The following LTBP4 variants were observed in gnomAD, a reference collection of about 807,000 sequenced individuals.
LTBP4 encodes the protein latent-transforming growth factor beta-binding protein 4.
In LTBP4, 93 loss-of-function variants were observed where a neutral mutation model predicts 180.2. The observed-to-expected ratio is 0.52, with a 90% CI of 0.44 to 0.61. LTBP4 has a LOEUF of 0.61. Among genes scored for constraint, LTBP4 ranks in the 20% least tolerant of loss-of-function variants. The probability of loss-of-function intolerance (pLI) is 0.00; values close to 1 mark genes in which losing one functional copy is unlikely to be tolerated. For missense variants in LTBP4, 2,116 were observed against 2,256.5 expected, an observed-to-expected ratio of 0.94 and a Z score of 1.26; for synonymous variants, 947 against 934.5, an observed-to-expected ratio of 1.01 and a Z score of -0.24.
chr19:40,613,253 A>T lies in LTBP4; in HGVS notation c.2431+57A>T. On this transcript the variant is annotated intron_variant, in intron 16 of 29. Transcript: ENST00000396819. The surrounding 1 kb of genome is among the most constrained non-coding windows in gnomAD (Gnocchi z 5.0). ...GGGAGTAGGGCCTGGGTTCCAGGGCAAAGCCGGCTGGAAAGGTGGAGGCGG... is the reference window on the plus strand; with the variant it reads ...GGGAGTAGGGCCTGGGTTCCAGGGCTAAGCCGGCTGGAAAGGTGGAGGCGG... 1 of 1,544,420 alleles carries T rather than the reference A, an allele frequency of 6.5e-7. No individual in the cohort carries two copies. Among genetic ancestry groups the T allele is most frequent in the South Asian group, 1.2e-5 (1 of 83,730 alleles).
rs761470112 is a variant in LTBP4, at chr19:40,611,190, C to A, written c.1849C>A (p.Arg617=). The change falls in exon 13 of 30, where the codon CGA becomes AGA. Residue 617 remains arginine (R), a synonymous_variant. Transcript: ENST00000396819. This position sits in a 1 kb window ranked among gnomAD's most constrained non-coding sequence, Gnocchi z 4.4. The part of the protein sequence containing the change: ...ECTQSPGLCG[R]GACKNLPGSF... ...CACCCAGAGCCCAGGCCTGTGTGGC[C>A]GAGGGGCCTGCAAGAACCTGCCTGG... is the stretch of plus-strand genomic sequence containing the variant. 9 of 1,613,440 alleles carry A rather than the reference C, an allele frequency of 5.6e-6. No homozygotes were observed. Among genetic ancestry groups the A allele is most frequent in the Middle Eastern group, 1.7e-4 (1 of 6,046 alleles).
Position 40,601,606 on chromosome 19 carries a change from G to T in LTBP4, c.219G>T (p.Gly73=). Residue 73 remains glycine (G), a synonymous_variant, in exon 1 of 30, where the codon GGG becomes GGT. Coordinates refer to ENST00000396819, the MANE Select transcript of LTBP4 (RefSeq NM_001042545.2). The part of the protein sequence containing the change: ...ATSVDSGAPG[G]AAPGGPGFRA... ...GCGTGGACAGCGGCGCTCCCGGCGGGGCGGCCCCGGGGGGACCCGGCTTCC... is the reference window on the plus strand; with the variant it reads ...GCGTGGACAGCGGCGCTCCCGGCGGTGCGGCCCCGGGGGGACCCGGCTTCC... 2 of 1,398,350 alleles carry T rather than the reference G, an allele frequency of 1.4e-6. No homozygotes were observed. Among genetic ancestry groups the T allele is most frequent in the Non-Finnish European group, 1.8e-6 (2 of 1,084,222 alleles). The allele number at this position is 1,398,350 out of a possible 1,614,324, so 86.6% of individuals were successfully genotyped here.
chr19:40,609,416 G>C lies in LTBP4; in HGVS notation c.1427-114G>C, dbSNP rs1260848132. The C allele has an allele frequency of 7.5e-7, 1 of 1,327,894 alleles. No individual in the cohort carries two copies. Among genetic ancestry groups the C allele is most frequent in the African/African-American group, 1.5e-5 (1 of 68,366 alleles). 82.3% of individuals were successfully genotyped at this position (1,327,894 alleles called of 1,614,324 possible). A position where few individuals can be genotyped will look rare whatever the true frequency, so the allele number is the denominator to read the frequency against. ...CAGAAGAAGACTGGGCTTGCTTGGGGAGGAGACATCCATGAAGGTGTTTTA... is the reference window on the plus strand; with the variant it reads ...CAGAAGAAGACTGGGCTTGCTTGGGCAGGAGACATCCATGAAGGTGTTTTA... On this transcript the variant is annotated intron_variant, in intron 9 of 29. Coordinates refer to ENST00000396819, the MANE Select transcript of LTBP4 (RefSeq NM_001042545.2). This position sits in a 1 kb window ranked among gnomAD's most constrained non-coding sequence, Gnocchi z 4.9.
chr19:40,623,031 G>A lies in LTBP4; in HGVS notation c.3556+10G>A. The A allele has an allele frequency of 3.1e-6, 5 of 1,600,456 alleles. No homozygotes were observed. The highest frequency in any genetic ancestry group is 4.3e-6 in the Non-Finnish European group (5 of 1,173,682). The stretch of plus-strand genomic sequence containing the variant: ...CTGAGCCTCCGGAGAGGTGAGGCCA[G>A]CCTTTGACCCTCCACCCCACTCAGC... On this transcript the variant is annotated intron_variant, in intron 24 of 29. Coordinates refer to ENST00000396819, the MANE Select transcript of LTBP4 (RefSeq NM_001042545.2).
rs2081488796 is a variant in LTBP4, at chr19:40,609,554, G to A, written c.1451G>A (p.Arg484His). 6 of 1,613,322 alleles carry A rather than the reference G, an allele frequency of 3.7e-6. No individual in the cohort carries two copies. Among genetic ancestry groups the A allele is most frequent in the Non-Finnish European group, 5.1e-6 (6 of 1,179,766 alleles). The change falls in exon 10 of 30, where the codon CGC becomes CAC. Residue 484 changes from arginine (R) to histidine (H), a missense_variant. Physicochemically the swap from Arg to His is conservative, Grantham distance 29. Around this residue, in one of 5 missense-constraint regions of LTBP4, gnomAD observed 877 missense variants for 873.6 expected, o/e 1.00. Transcript: ENST00000396819. The surrounding 1 kb of genome is among the most constrained non-coding windows in gnomAD (Gnocchi z 4.9). ...GGTCCCTCCTCCGGCATGTGTCAGCGCAACCCCCAGGTCTGCGGCCCAGGA... is the reference window on the plus strand; with the variant it reads ...GGTCCCTCCTCCGGCATGTGTCAGCACAACCCCCAGGTCTGCGGCCCAGGA... ...ESGPSSGMCQ[R>H]NPQVCGPGRC...
In LTBP4 at chr19:40,605,666, C is replaced by A; in HGVS notation, c.690+14C>A. The A allele has an allele frequency of 1.3e-6, 2 of 1,555,146 alleles. No homozygotes were observed. The highest frequency in any genetic ancestry group is 8.7e-7 in the Non-Finnish European group (1 of 1,150,848). The stretch of plus-strand genomic sequence containing the variant: ...CGCGGAGGCGAAGTGAGAGGAGGCC[C>A]GTGGGGAGGGGCCCGGAGCTTGCCT... On this transcript the variant is annotated intron_variant, in intron 3 of 29. Transcript: ENST00000396819. This position sits in a 1 kb window ranked among gnomAD's most constrained non-coding sequence, Gnocchi z 5.5.
intron 1 of LTBP4, among the ~76,000 whole-genome samples, chr19:40,601,971 G>T (rs1360611303): frequency 6.6e-6 from 1 of 151,934 alleles, no homozygotes; most frequent in Non-Finnish European, 1.5e-5. Context: ...ATTCTGAGAC[G>T]CTGAGTAAGG....
intron 11 of LTBP4, chr19:40,610,187 C>T: frequency 2.0e-6 from 1 of 502,872 alleles, no homozygotes; most frequent in Non-Finnish European, 3.5e-6. Flanking sequence ...CCCCAGGCCC[C>T]GCCACTGTCC....
upstream of LTBP4, chr19:40,599,586 C>T (rs778078904): frequency 6.3e-7 from 1 of 1,590,870 alleles, no homozygotes; most frequent in African/African-American, 1.3e-5. Context: ...CCTACCAAAT[C>T]CTCCCTCAGG....
At position 40,605,005 on chromosome 19, in the gene LTBP4, C is replaced by T. The variant is rs2081448134; in HGVS notation, c.251-30C>T. Reference sequence around the variant, plus strand: ...CAGGAGAACCTGCCAGGAATGGTGGCGCCCCTGAGTGTCCTCGTTCTCCTC... The same window carrying T: ...CAGGAGAACCTGCCAGGAATGGTGGTGCCCCTGAGTGTCCTCGTTCTCCTC... On this transcript the variant is annotated intron_variant, in intron 1 of 29. Transcript: ENST00000396819. This position sits in a 1 kb window ranked among gnomAD's most constrained non-coding sequence, Gnocchi z 5.5. 6 of 1,582,688 alleles carry T rather than the reference C, an allele frequency of 3.8e-6. No individual in the cohort carries two copies. The highest frequency in any genetic ancestry group is 5.2e-6 in the Non-Finnish European group (6 of 1,158,762).
chr19:40,608,739 T>C (rs575048949), intron 9 of LTBP4, 136 bp downstream of exon 9: 2 of 962,344 alleles, frequency 2.1e-6, no homozygotes, highest in East Asian at 5.4e-5. Context: ...GGCGAAACCC[T>C]GTCTCTACTA....
chr19:40,607,367 C>A lies in LTBP4; in HGVS notation c.994C>A (p.Gln332Lys), dbSNP rs769753633. ...LDSSRSSCIS[Q>K]HVISEAKGPC... ...GATTTCCTCCCTGCTCCTCGCAGCCCAACACGTGATCTCAGAGGCCAAAGG... is the reference window on the plus strand; with the variant it reads ...GATTTCCTCCCTGCTCCTCGCAGCCAAACACGTGATCTCAGAGGCCAAAGG... Residue 332 changes from glutamine (Q) to lysine (K), a missense_variant and splice_region_variant, in exon 7 of 30, where the codon CAA (glutamine) becomes AAA (lysine). Gln to Lys is a moderately conservative substitution (Grantham distance 53). Around this residue, in one of 5 missense-constraint regions of LTBP4, gnomAD observed 469 missense variants for 532.5 expected, o/e 0.88. Transcript: ENST00000396819. 8 of 1,612,052 alleles carry A rather than the reference C, an allele frequency of 5.0e-6. No individual in the cohort carries two copies. In the African/African-American group the frequency reaches 5.3e-5, roughly 11 times the overall value.
At chr19:40,606,714 T>C (rs2081465329) in intron 6 of LTBP4, among the ~76,000 whole-genome samples, 188 bp downstream of exon 6, 1 of 152,200 alleles carries the variant, frequency 6.6e-6, no homozygotes, top group Admixed American at 6.5e-5. Context: ...CCTTTAGACC[T>C]TTCAAGCCTT....
chr19:40,621,621 A>G (rs11667706), intron 22 of LTBP4, among the ~76,000 whole-genome samples: 73,226 of 151,742 alleles, frequency 0.48, 18,490 homozygotes, highest in African/African-American at 0.62. Flanking sequence ...GACAGGAGAG[A>G]ACAGGGCTGG....
Position 40,605,672 on chromosome 19 carries a change from G to T in LTBP4, c.690+20G>T. 6.4e-7 allele frequency: 1 copy of T among 1,551,558 alleles called. No homozygotes were observed. The highest frequency in any genetic ancestry group is 8.7e-7 in the Non-Finnish European group (1 of 1,148,492). ...GGCGAAGTGAGAGGAGGCCCGTGGG[G>T]AGGGGCCCGGAGCTTGCCTCCGCGC... On this transcript the variant is annotated intron_variant, in intron 3 of 29. Coordinates refer to ENST00000396819, the MANE Select transcript of LTBP4 (RefSeq NM_001042545.2). The surrounding 1 kb of genome is among the most constrained non-coding windows in gnomAD (Gnocchi z 5.5).
chr19:40,613,905 C>T lies in LTBP4; in HGVS notation c.2558-11C>T, dbSNP rs2146033453. 4 of 1,613,506 alleles carry T rather than the reference C, an allele frequency of 2.5e-6. No individual in the cohort carries two copies. The highest frequency in any genetic ancestry group is 2.5e-6 in the Non-Finnish European group (3 of 1,179,784). On this transcript the variant is annotated splice_polypyrimidine_tract_variant and intron_variant, in intron 17 of 29. Transcript: ENST00000396819. This position sits in a 1 kb window ranked among gnomAD's most constrained non-coding sequence, Gnocchi z 5.0. Reference sequence around the variant, plus strand: ...GAGGTGGGCCGGGCCTTCGGACGCCCTGTCCCGCAGACGTTGACGAGTGCA... The same window carrying T: ...GAGGTGGGCCGGGCCTTCGGACGCCTTGTCCCGCAGACGTTGACGAGTGCA...
intron 29 of LTBP4, among the ~76,000 whole-genome samples, chr19:40,628,068 A>G (rs1399792738): frequency 6.6e-6 from 1 of 152,240 alleles, no homozygotes; most frequent in Non-Finnish European, 1.5e-5. Context: ...GGGCTTAACC[A>G]CGGGGCTGGA....
At chr19:40,607,583 C>G (rs1599863014) in intron 7 of LTBP4, 54 bp downstream of exon 7, 2 of 1,506,656 alleles carry the variant, frequency 1.3e-6, no homozygotes, top group East Asian at 2.4e-5. Context: ...GGCGCTCATT[C>G]TACGCCCCAC....
At position 40,605,664 on chromosome 19, in the gene LTBP4, C is replaced by T. The variant is rs2081455398; in HGVS notation, c.690+12C>T. The T allele has an allele frequency of 1.9e-6, 3 of 1,557,104 alleles. No homozygotes were observed. The highest frequency in any genetic ancestry group is 1.7e-4 in the Middle Eastern group (1 of 5,880). On this transcript the variant is annotated intron_variant, in intron 3 of 29. Coordinates refer to ENST00000396819, the MANE Select transcript of LTBP4 (RefSeq NM_001042545.2). This position sits in a 1 kb window ranked among gnomAD's most constrained non-coding sequence, Gnocchi z 5.5. Reference sequence around the variant, plus strand: ...TGCGCGGAGGCGAAGTGAGAGGAGGCCCGTGGGGAGGGGCCCGGAGCTTGC... The same window carrying T: ...TGCGCGGAGGCGAAGTGAGAGGAGGTCCGTGGGGAGGGGCCCGGAGCTTGC...
Sources: allele counts gnomAD v4.1 joint callset (sites outside exome capture counted in the v4.1 genomes callset), GRCh38; gene constraint gnomAD v4.1.1; regional missense constraint gnomAD v4.1.1; non-coding constraint Gnocchi (gnomAD v3.1); transcripts MANE v1.5; gene names NCBI Gene and HGNC (gene_info 2026-07-23, HGNC 2026-07-21).